The following UBE2L6 variants were observed in gnomAD, a reference collection of about 807,000 sequenced individuals.
UBE2L6 encodes the protein ubiquitin/ISG15-conjugating enzyme E2 L6.
Under a neutral mutation model 13.6 loss-of-function variants are expected in UBE2L6, and 11 were observed. That is an observed-to-expected ratio of 0.81 (90% CI 0.51 to 1.34). The LOEUF is 1.34. UBE2L6 is among the 40% of genes most tolerant of loss of function. The probability of loss-of-function intolerance (pLI) is 0.00; values close to 1 mark genes in which losing one functional copy is unlikely to be tolerated. For synonymous variants in UBE2L6, 74 were observed against 83.2 expected (o/e 0.89, Z 0.60); for missense variants, 197 against 199.5 (o/e 0.99, Z 0.07).
At position 57,560,407 on chromosome 11, in the gene UBE2L6, G is replaced by T. The variant is rs1180196107; in HGVS notation, c.53C>A (p.Pro18His). ...GGACAGGTTCCGCAGGTATGGGGGA[G>T]GCTTCTTCTGAAGATCCTCCAGCTC... ...VKELEDLQKK[P>H]PPYLRNLSSD... is the part of the protein sequence containing the mutation. The change falls in exon 2 of 4, where the codon CCT becomes CAT. Residue 18 changes from proline (P) to histidine (H), a missense_variant. Coordinates refer to ENST00000287156, the MANE Select transcript of UBE2L6 (RefSeq NM_004223.5). The T allele has an allele frequency of 6.2e-7, 1 of 1,613,704 alleles. No homozygotes were observed. Among genetic ancestry groups the T allele is most frequent in the Admixed American group, 1.7e-5 (1 of 60,014 alleles).
At chr11:57,560,666 G>A in intron 1 of UBE2L6, 1 of 390,512 alleles carries the variant, frequency 2.6e-6, no homozygotes, top group Admixed American at 4.2e-5. Context: ...TGTTGCCCAG[G>A]CTGGAATGCA....
At chr11:57,560,222 C>A in intron 2 of UBE2L6, 115 bp downstream of exon 2, 1 of 789,642 alleles carries the variant, frequency 1.3e-6, no homozygotes, top group East Asian at 2.5e-5. Context: ...CAATGATAAC[C>A]TCCAGTAAAA....
chr11:57,563,707 C>T (rs759777518), intron 1 of UBE2L6, among the ~76,000 whole-genome samples: 20 of 146,086 alleles, frequency 1.4e-4, no homozygotes, highest in Non-Finnish European at 2.8e-4. Flanking sequence ...CTGGCTAACA[C>T]GGTGAAACCT....
chr11:57,567,446 G>A, intron 1 of UBE2L6, 139 bp downstream of exon 1: 1 of 1,230,352 alleles, frequency 8.1e-7, no homozygotes, highest in Non-Finnish European at 1.2e-6. Flanking sequence ...TAGAGGGCGG[G>A]GAGGACAGGG....
chr11:57,560,316 A>T (rs199777914), intron 2 of UBE2L6, 21 bp downstream of exon 2: 27 of 1,607,000 alleles, frequency 1.7e-5, no homozygotes, highest in Non-Finnish European at 2.2e-5. Flanking sequence ...ATCCAAAGCC[A>T]TGGTCCCCAT....
intron 1 of UBE2L6, chr11:57,560,662 C>T: frequency 2.5e-6 from 1 of 401,594 alleles, no homozygotes. Flanking sequence ...GCTCTGTTGC[C>T]CAGGCTGGAA....
In UBE2L6 at chr11:57,551,997, G is replaced by A. The variant is rs961407951; in HGVS notation, c.*361C>T. 1 of 244,154 alleles carries A rather than the reference G, an allele frequency of 4.1e-6. No individual in the cohort carries two copies. The highest frequency in any genetic ancestry group is 8.0e-6 in the Non-Finnish European group (1 of 124,742). 15.1% of individuals were successfully genotyped at this position (244,154 alleles called of 1,614,324 possible). ...GCCCTCAGTGCCTGAGCCCTAGGGGGATTCGAGTTGGCTGCTGGATTCATT... is the reference window on the plus strand; with the variant it reads ...GCCCTCAGTGCCTGAGCCCTAGGGGAATTCGAGTTGGCTGCTGGATTCATT... On this transcript the variant is annotated 3_prime_UTR_variant, in exon 4 of 4. Transcript: ENST00000287156.
intron 2 of UBE2L6, among the ~76,000 whole-genome samples, chr11:57,557,126 C>A (rs1481424175): frequency 6.6e-6 from 1 of 151,802 alleles, no homozygotes; most frequent in Non-Finnish European, 1.5e-5. Flanking sequence ...GGAGGTGGGG[C>A]CTACCAGGAG....
At chr11:57,553,873 C>A (rs918551054) in intron 3 of UBE2L6, among the ~76,000 whole-genome samples, 5 of 152,194 alleles carry the variant, frequency 3.3e-5, no homozygotes, top group Non-Finnish European at 7.3e-5. Flanking sequence ...CCACATGTGG[C>A]TTGCGAGTCA....
At chr11:57,567,401 C>T in intron 1 of UBE2L6, 184 bp downstream of exon 1, 1 of 869,618 alleles carries the variant, frequency 1.1e-6, no homozygotes, top group Non-Finnish European at 1.8e-6. Flanking sequence ...AAAACCCCAG[C>T]TCTGGCCACT....
chr11:57,552,211 C>T lies in UBE2L6; in HGVS notation c.*147G>A. 8.7e-7 allele frequency: 1 copy of T among 1,154,628 alleles called. No homozygotes were observed. The highest frequency in any genetic ancestry group is 1.2e-6 in the Non-Finnish European group (1 of 806,072). 71.5% of individuals were successfully genotyped at this position (1,154,628 alleles called of 1,614,324 possible). Reference sequence around the variant, plus strand: ...CACACACTCATAGCTCCCTTCCCTCCACCACACACACACACAAACTAATGA... The same window carrying T: ...CACACACTCATAGCTCCCTTCCCTCTACCACACACACACACAAACTAATGA... On this transcript the variant is annotated 3_prime_UTR_variant, in exon 4 of 4. Coordinates refer to ENST00000287156, the MANE Select transcript of UBE2L6 (RefSeq NM_004223.5).
Position 57,554,434 on chromosome 11 carries a change from C to T in UBE2L6, c.310+3G>A. ...CCCTCCTCCAAGCAAAGCCCAACCC[C>T]ACCTTGGCAAGTCTTGGTGCAAGGC... On this transcript the variant is annotated splice_donor_region_variant and intron_variant, in intron 3 of 3. Coordinates refer to ENST00000287156, the MANE Select transcript of UBE2L6 (RefSeq NM_004223.5). 1 of 1,613,328 alleles carries T rather than the reference C, an allele frequency of 6.2e-7. No homozygotes were observed.
intron 3 of UBE2L6, among the ~76,000 whole-genome samples, chr11:57,553,319 C>T (rs1030181397): frequency 3.9e-5 from 6 of 152,174 alleles, no homozygotes; most frequent in African/African-American, 1.4e-4. Flanking sequence ...TATGGCAAAA[C>T]CTGGTATCTA....
intron 1 of UBE2L6, chr11:57,566,905 A>T: frequency 2.3e-6 from 1 of 438,960 alleles, no homozygotes; most frequent in Non-Finnish European, 4.6e-6. Flanking sequence ...CCCTGATAGG[A>T]ACAAAATTCA....
At chr11:57,562,815 A>C (rs1482346642) in intron 1 of UBE2L6, among the ~76,000 whole-genome samples, 3 of 152,198 alleles carry the variant, frequency 2.0e-5, no homozygotes. Flanking sequence ...GCAGTGACCA[A>C]AACTTAGATC....
At position 57,552,180 on chromosome 11, in the gene UBE2L6, A is replaced by G. The variant is rs921069930; in HGVS notation, c.*178T>C. 4 of 867,422 alleles carry G rather than the reference A, an allele frequency of 4.6e-6. No homozygotes were observed. Among genetic ancestry groups the G allele is most frequent in the Non-Finnish European group, 7.1e-6 (4 of 561,742 alleles). The allele number at this position is 867,422 out of a possible 1,614,324, so 53.7% of individuals were successfully genotyped here. ...GGTGAACCTGGGAGTGAGTCCATAC[A>G]CAACACACACACTCATAGCTCCCTT... On this transcript the variant is annotated 3_prime_UTR_variant, in exon 4 of 4. Transcript: ENST00000287156.
intron 3 of UBE2L6, among the ~76,000 whole-genome samples, chr11:57,553,504 A>G (rs1944974559): frequency 6.6e-6 from 1 of 151,882 alleles, no homozygotes. Flanking sequence ...CAGTAGAAAA[A>G]ACAAAAAGGA....
At chr11:57,557,326 C>T (rs1003558054) in intron 2 of UBE2L6, among the ~76,000 whole-genome samples, 2 of 151,930 alleles carry the variant, frequency 1.3e-5, no homozygotes, top group African/African-American at 4.8e-5. Context: ...CACGTGGCTC[C>T]CCTTTGCCTT....
chr11:57,566,372 CT>C, intron 1 of UBE2L6, among the ~76,000 whole-genome samples: 1 of 152,308 alleles, frequency 6.6e-6, no homozygotes, highest in Non-Finnish European at 1.5e-5. Context: ...GCCTGTGGAC[CT>C]GGTTTCATAT....
Sources: allele counts gnomAD v4.1 joint callset (sites outside exome capture counted in the v4.1 genomes callset), GRCh38; gene constraint gnomAD v4.1.1; transcripts MANE v1.5; gene names NCBI Gene and HGNC (gene_info 2026-07-23, HGNC 2026-07-21).